DAP: variants seen among roughly 807,000 people sequenced by gnomAD.
The protein encoded by DAP is death associated protein.
In DAP, 8 loss-of-function variants were observed where a neutral mutation model predicts 13.8. The observed-to-expected ratio is 0.58, with a 90% confidence interval of 0.34 to 1.05. The LOEUF (loss-of-function observed/expected upper bound fraction) is 1.05, where lower values mean the gene tolerates loss of function less well. Among genes scored for constraint, DAP ranks in the 50% least tolerant of loss-of-function variants. The pLI, the probability that DAP is intolerant of heterozygous loss-of-function variation, is 0.03. For synonymous variants in DAP, 47 were observed against 47.5 expected, an observed-to-expected ratio of 0.99 and a Z score of 0.04; for missense variants, 106 against 133.2, an observed-to-expected ratio of 0.80 and a Z score of 1.01.
rs141658270 is a variant in DAP at position 10,756,437 on chromosome 5, C to T, written c.55+4577G>A. ...ATAATTCAGGGAGAATTACACTAGA[C>T]TTTTGAAAGGCATCCTTAACTCATG... On this transcript the variant is annotated intron_variant, in intron 1 of 3. Transcript: ENST00000230895. 1.4e-4 allele frequency among the ~76,000 whole-genome samples: 21 copies of T among 152,308 alleles called. No individual in the cohort carries two copies. The East Asian group carries it at 3.5e-3, about 25-fold the overall frequency.
rs1737957080 is a variant in DAP, at chr5:10,680,527, C to A, written c.*529G>T. On this transcript the variant is annotated 3_prime_UTR_variant, in exon 4 of 4. Coordinates refer to ENST00000230895, the MANE Select transcript of DAP (RefSeq NM_004394.3). ...GTGCCTCATCAGCCTGCACAGGATC[C>A]CCCATCTCACGAGAGAGGGAAATTT... 2 of 602,174 alleles carry A rather than the reference C, an allele frequency of 3.3e-6. No homozygotes were observed. Among genetic ancestry groups the A allele is most frequent in the South Asian group, 4.2e-5 (2 of 47,100 alleles). 37.3% of individuals were successfully genotyped at this position (602,174 alleles called of 1,614,324 possible). A position where few individuals can be genotyped will look rare whatever the true frequency, so the allele number is the denominator to read the frequency against.
chr5:10,684,343 C>T (rs1484805503), intron 2 of DAP, among the ~76,000 whole-genome samples: 1 of 152,192 alleles, frequency 6.6e-6, no homozygotes, highest in Non-Finnish European at 1.5e-5. Context: ...CTCCCGTCCC[C>T]ATCAATCCCT....
At chr5:10,752,515 T>G (rs768507528) in intron 1 of DAP, among the ~76,000 whole-genome samples, 4 of 152,208 alleles carry the variant, frequency 2.6e-5, no homozygotes, top group Non-Finnish European at 4.4e-5. Flanking sequence ...TTTGTCGTGG[T>G]GGTTGTTATT....
At chr5:10,750,779 C>T (rs1740026298) in intron 1 of DAP, among the ~76,000 whole-genome samples, 1 of 152,266 alleles carries the variant, frequency 6.6e-6, no homozygotes, top group Non-Finnish European at 1.5e-5. Context: ...TTGCTCTTGT[C>T]CTGGGAGACT....
At chr5:10,737,468 A>C (rs933555314) in intron 2 of DAP, among the ~76,000 whole-genome samples, 3 of 152,156 alleles carry the variant, frequency 2.0e-5, no homozygotes, top group African/African-American at 7.2e-5. Flanking sequence ...GAGAACAGGG[A>C]CACGCCCCTC....
At chr5:10,728,180 A>T (rs2126664187) in intron 2 of DAP, among the ~76,000 whole-genome samples, 1 of 152,320 alleles carries the variant, frequency 6.6e-6, no homozygotes, top group African/African-American at 2.4e-5. Flanking sequence ...CAGAAAGTGA[A>T]ATGCTATTTT....
At chr5:10,688,174 C>T (rs115667442) in intron 2 of DAP, among the ~76,000 whole-genome samples, 6,360 of 152,140 alleles carry the variant, frequency 0.042, 198 homozygotes, top group South Asian at 0.081. Context: ...CCTTGACCTC[C>T]GAAAGTGCTA....
At chr5:10,695,438 A>G (rs1240516572) in intron 2 of DAP, among the ~76,000 whole-genome samples, 1 of 152,214 alleles carries the variant, frequency 6.6e-6, no homozygotes, top group Admixed American at 6.5e-5. Flanking sequence ...ACAATTCTAA[A>G]CCCGAGAGAA....
At chr5:10,743,568 G>T (rs188306257) in intron 2 of DAP, among the ~76,000 whole-genome samples, 44 of 151,930 alleles carry the variant, frequency 2.9e-4, no homozygotes, top group Non-Finnish European at 4.6e-4. Flanking sequence ...TTAATATCTT[G>T]TACCAAGCCC....
intron 2 of DAP, among the ~76,000 whole-genome samples, chr5:10,711,124 G>T (rs1738840668): frequency 6.6e-6 from 1 of 152,166 alleles, no homozygotes; most frequent in African/African-American, 2.4e-5. Flanking sequence ...ATATGGCCAT[G>T]GGGTCCACAC....
At chr5:10,719,558 T>G (rs1310190804) in intron 2 of DAP, among the ~76,000 whole-genome samples, 1 of 152,208 alleles carries the variant, frequency 6.6e-6, no homozygotes, top group African/African-American at 2.4e-5. Context: ...AACTGAACAT[T>G]TGACTATGGG....
intron 2 of DAP, among the ~76,000 whole-genome samples, chr5:10,726,734 C>A (rs1193605330): frequency 6.6e-6 from 1 of 151,796 alleles, no homozygotes; most frequent in East Asian, 1.9e-4. Context: ...CGTCAGCCTG[C>A]CACTGTGTGT....
At chr5:10,694,806 C>T (rs908649381) in intron 2 of DAP, among the ~76,000 whole-genome samples, 1 of 152,176 alleles carries the variant, frequency 6.6e-6, no homozygotes, top group Non-Finnish European at 1.5e-5. Context: ...TGGCCCAGCA[C>T]ATGCGCTCAT....
intron 2 of DAP, among the ~76,000 whole-genome samples, chr5:10,735,172 T>TAA (rs57849320): frequency 0.53 from 79,804 of 151,832 alleles, 22,675 homozygotes; most frequent in Non-Finnish European, 0.64. Context: ...ACAAGTAGCT[T>TAA]AAAAAAAATT....
At chr5:10,751,032 T>C (rs1740032757) in intron 1 of DAP, among the ~76,000 whole-genome samples, 1 of 152,216 alleles carries the variant, frequency 6.6e-6, no homozygotes, top group African/African-American at 2.4e-5. Context: ...TCTGTCCCCA[T>C]GTGGAGCCCA....
intron 2 of DAP, among the ~76,000 whole-genome samples, chr5:10,725,469 G>A (rs970186519): frequency 6.6e-6 from 1 of 152,222 alleles, no homozygotes; most frequent in African/African-American, 2.4e-5. Context: ...ACCTTCAGGT[G>A]GAGGCAGGGA....
At chr5:10,695,251 C>G (rs1178052623) in intron 2 of DAP, among the ~76,000 whole-genome samples, 1 of 152,206 alleles carries the variant, frequency 6.6e-6, no homozygotes. Context: ...TGCTGGTCCT[C>G]TCAGCCCGCG....
rs188604369 is a variant in DAP, at chr5:10,710,456, C to T, written c.153-26885G>A. On this transcript the variant is annotated intron_variant, in intron 2 of 3. Coordinates refer to ENST00000230895, the MANE Select transcript of DAP (RefSeq NM_004394.3). ...GGGAAACGTGTCCACAGCCCCAATA[C>T]GGACAGAACCATGAGGGGGCCACAG... 1.1e-4 allele frequency among the ~76,000 whole-genome samples: 17 copies of T among 152,344 alleles called. No homozygotes were observed. The East Asian group carries it at 1.5e-3, about 14-fold the overall frequency.
rs1738714872 is a variant in DAP at position 10,707,063 on chromosome 5, C to T, written c.153-23492G>A. On this transcript the variant is annotated intron_variant, in intron 2 of 3. Transcript: ENST00000230895. This position sits in a 1 kb window ranked among gnomAD's most constrained non-coding sequence, Gnocchi z 4.0. The stretch of plus-strand genomic sequence containing the variant: ...CAGAGGGGACTGGCCTTAAAAAAAG[C>T]CATGGGTCTGTCCCCAAGTCAGTCG... 6.6e-6 allele frequency among the ~76,000 whole-genome samples: 1 copy of T among 152,168 alleles called. No individual in the cohort carries two copies. The highest frequency in any genetic ancestry group is 6.5e-5 in the Admixed American group (1 of 15,284).
Sources: allele counts gnomAD v4.1 joint callset (sites outside exome capture counted in the v4.1 genomes callset), GRCh38; gene constraint gnomAD v4.1.1; non-coding constraint Gnocchi (gnomAD v3.1); transcripts MANE v1.5; gene names NCBI Gene and HGNC (gene_info 2026-07-23, HGNC 2026-07-21).